The following GMDS variants were observed in gnomAD, a reference collection of about 807,000 sequenced individuals.
The protein encoded by GMDS is GDP-mannose 4,6 dehydratase.
A neutral mutation model predicts 49.9 loss-of-function variants in GMDS; 20 were observed. The ratio of observed to expected loss-of-function variants is 0.40; its 90% confidence interval spans 0.28 to 0.58. The LOEUF (loss-of-function observed/expected upper bound fraction) is 0.58. Among genes scored for constraint, GMDS ranks in the 20% least tolerant of loss-of-function variants. The probability of loss-of-function intolerance (pLI) is 0.42; values close to 1 mark genes in which losing one functional copy is unlikely to be tolerated. For missense variants in GMDS, 362 were observed against 481.4 expected (o/e 0.75, Z 2.32); for synonymous variants, 177 against 178.6 (o/e 0.99, Z 0.07).
intron 7 of GMDS, among the ~76,000 whole-genome samples, chr6:1,926,785 A>G (rs569856992): frequency 1.3e-5 from 2 of 152,348 alleles, no homozygotes; most frequent in African/African-American, 4.8e-5. Flanking sequence ...CGTAATTTAG[A>G]CTTTGTTCAG....
chr6:1,730,153 T>C (rs1483626663), intron 8 of GMDS, among the ~76,000 whole-genome samples: 1 of 152,246 alleles, frequency 6.6e-6, no homozygotes, highest in African/African-American at 2.4e-5. Context: ...AGTAGGAAGC[T>C]GCAGGAGCTA....
chr6:1,735,694 A>G (rs1407744641), intron 8 of GMDS, among the ~76,000 whole-genome samples: 1 of 152,102 alleles, frequency 6.6e-6, no homozygotes, highest in Non-Finnish European at 1.5e-5. Flanking sequence ...CCTCCTTCCT[A>G]TCATCCGTAT....
At chr6:2,070,478 G>T (rs899992090) in intron 4 of GMDS, among the ~76,000 whole-genome samples, 7 of 152,112 alleles carry the variant, frequency 4.6e-5, no homozygotes, top group African/African-American at 7.2e-5. Flanking sequence ...TTATGATATA[G>T]TAATACATAT....
intron 7 of GMDS, among the ~76,000 whole-genome samples, chr6:1,767,084 C>A (rs1166506625): frequency 6.6e-6 from 1 of 152,120 alleles, no homozygotes; most frequent in East Asian, 1.9e-4. Context: ...GTTTATAATA[C>A]AGATTCAATA....
At chr6:1,958,027 A>C (rs2127292855) in intron 6 of GMDS, among the ~76,000 whole-genome samples, 1 of 151,962 alleles carries the variant, frequency 6.6e-6, no homozygotes, top group Non-Finnish European at 1.5e-5. Context: ...GCTGGTCCCA[A>C]ACTCCTGGGC....
intron 9 of GMDS, among the ~76,000 whole-genome samples, chr6:1,710,583 C>A (rs1252196453): frequency 3.3e-5 from 5 of 151,578 alleles, no homozygotes; most frequent in Admixed American, 3.3e-4. Context: ...GGCAGATACA[C>A]TTTTGAGGTT....
chr6:1,681,149 T>C (rs1474218635), intron 9 of GMDS, among the ~76,000 whole-genome samples: 4 of 151,210 alleles, frequency 2.6e-5, no homozygotes, highest in Non-Finnish European at 5.9e-5. Context: ...CACACCTATA[T>C]ACACACACAC....
At chr6:1,878,812 G>T (rs1759226396) in intron 7 of GMDS, among the ~76,000 whole-genome samples, 1 of 152,042 alleles carries the variant, frequency 6.6e-6, no homozygotes, top group Admixed American at 6.6e-5. Context: ...ACTCTAAAAG[G>T]GTGAAGATTT....
intron 7 of GMDS, among the ~76,000 whole-genome samples, chr6:1,864,972 G>A (rs1758375076): frequency 1.3e-5 from 2 of 152,134 alleles, no homozygotes; most frequent in South Asian, 4.1e-4. Context: ...GCAAAACATA[G>A]TACAGAAGAT....
At chr6:1,747,828 CAA>C (rs570793934) in intron 7 of GMDS, among the ~76,000 whole-genome samples, 1 of 152,030 alleles carries the variant, frequency 6.6e-6, no homozygotes, top group Non-Finnish European at 1.5e-5. Flanking sequence ...AGTGTGAAAC[CAA>C]AGTCTGGCCT....
chr6:1,624,288 C>T, intron 10 of GMDS, 57 bp from the exon 11 acceptor site: 1 of 1,525,028 alleles, frequency 6.6e-7, no homozygotes, highest in East Asian at 2.3e-5. Flanking sequence ...CCTGGTGACA[C>T]CCCACCCCGG....
chr6:1,644,041 G>A (rs1763413600), intron 9 of GMDS, among the ~76,000 whole-genome samples: 1 of 152,132 alleles, frequency 6.6e-6, no homozygotes, highest in Admixed American at 6.5e-5. Flanking sequence ...GAGCCCCAGG[G>A]CCCAGCGCTG....
At chr6:1,974,928 C>T (rs1289145867) in intron 4 of GMDS, among the ~76,000 whole-genome samples, 1 of 150,514 alleles carries the variant, frequency 6.6e-6, no homozygotes, top group Non-Finnish European at 1.5e-5. Context: ...ATCCTAGCTA[C>T]TTGGGAGGCT....
chr6:1,884,824 C>G (rs771071111), intron 7 of GMDS, among the ~76,000 whole-genome samples: 4 of 152,202 alleles, frequency 2.6e-5, no homozygotes, highest in African/African-American at 9.6e-5. Context: ...CTGAGCTGCG[C>G]GACCTCATAG....
At chr6:2,235,494 G>T (rs534878764) in intron 1 of GMDS, among the ~76,000 whole-genome samples, 1 of 152,254 alleles carries the variant, frequency 6.6e-6, no homozygotes, top group South Asian at 2.1e-4. Flanking sequence ...GCTCCCCATA[G>T]TCTGCATGGA....
At chr6:1,838,153 C>A (rs1022427218) in intron 7 of GMDS, among the ~76,000 whole-genome samples, 12 of 152,174 alleles carry the variant, frequency 7.9e-5, no homozygotes, top group Non-Finnish European at 1.5e-4. Flanking sequence ...GGAGGCTTTG[C>A]TCTCCTTTCC....
chr6:1,670,659 T>A (rs1436084531), intron 9 of GMDS, among the ~76,000 whole-genome samples: 1 of 152,184 alleles, frequency 6.6e-6, no homozygotes, highest in Non-Finnish European at 1.5e-5. Context: ...TTAATAGACT[T>A]CCATGCTCTA....
At chr6:1,839,529 T>C (rs1384351100) in intron 7 of GMDS, among the ~76,000 whole-genome samples, 1 of 152,218 alleles carries the variant, frequency 6.6e-6, no homozygotes, top group African/African-American at 2.4e-5. Flanking sequence ...ACTGTGGCTT[T>C]GACATTTAAC....
At position 1,624,611 on chromosome 6, in the gene GMDS, G is replaced by A. The variant is rs925079022; in HGVS notation, c.988-71C>T. The stretch of plus-strand genomic sequence containing the variant: ...TGGGGGCAGCAGGTCCCGAGCCCCG[G>A]GAACTCCCACCGTTCCGCTCCCTCT... On this transcript the variant is annotated intron_variant, in intron 9 of 10. Coordinates refer to ENST00000380815, the MANE Select transcript of GMDS (RefSeq NM_001500.4). 1.0e-5 allele frequency: 11 copies of A among 1,075,848 alleles called. No individual in the cohort carries two copies. In the African/African-American group the frequency reaches 1.7e-4, roughly 17 times the overall value. 66.6% of individuals were successfully genotyped at this position (1,075,848 alleles called of 1,614,324 possible). A position where few individuals can be genotyped will look rare whatever the true frequency, so the allele number is the denominator to read the frequency against.
Sources: gnomAD v4.1 joint callset for allele counts (sites outside exome capture counted in the v4.1 genomes callset) on GRCh38, gnomAD v4.1.1 for gene constraint, MANE v1.5 for transcripts, NCBI Gene and HGNC (gene_info 2026-07-23, HGNC 2026-07-21) for gene names.